SAMMSON: variants seen among roughly 807,000 people sequenced by gnomAD.
SAMMSON encodes the protein survival associated mitochondrial melanoma specific oncogenic non-coding RNA, also known as long intergenic non-protein coding RNA 1212.
intron 9 of SAMMSON, among the ~76,000 whole-genome samples, chr3:70,387,692 C>T (rs1700984381): frequency 6.6e-6 from 1 of 152,086 alleles, no homozygotes; most frequent in Non-Finnish European, 1.5e-5. Context: ...ACACAGAGAA[C>T]TTCAAAATAG....
intron 7 of SAMMSON, among the ~76,000 whole-genome samples, chr3:70,321,284 C>T (rs1702536817): frequency 6.6e-6 from 1 of 152,068 alleles, no homozygotes; most frequent in Non-Finnish European, 1.5e-5. Context: ...AAACACTAAT[C>T]TTTTTGTCTT....
At chr3:70,271,418 C>T (rs1019794274) in intron 6 of SAMMSON, among the ~76,000 whole-genome samples, 1 of 152,156 alleles carries the variant, frequency 6.6e-6, no homozygotes, top group Admixed American at 6.5e-5. Context: ...ATTTGGGATG[C>T]AGATTCAGTA....
At chr3:70,182,062 G>C (rs1397786482) in intron 4 of SAMMSON, among the ~76,000 whole-genome samples, 1 of 152,052 alleles carries the variant, frequency 6.6e-6, no homozygotes, top group Non-Finnish European at 1.5e-5. Context: ...ATGCTCCAGT[G>C]CTCTGAATTC....
At chr3:70,350,562 T>A (rs749341145) in intron 7 of SAMMSON, among the ~76,000 whole-genome samples, 36 of 152,102 alleles carry the variant, frequency 2.4e-4, no homozygotes, top group Non-Finnish European at 4.4e-4. Context: ...TTTCATTACT[T>A]CTTCACCCAT....
At chr3:70,397,992 A>G (rs1559580669) in intron 2 of SAMMSON, among the ~76,000 whole-genome samples, 1 of 152,134 alleles carries the variant, frequency 6.6e-6, no homozygotes, top group Non-Finnish European at 1.5e-5. Flanking sequence ...TATGTATTCT[A>G]TTTTTTCTCA....
rs368770550 is a variant in SAMMSON, at chr3:70,122,261, T to C, written n.507+50696T>C. 3.5e-4 allele frequency among the ~76,000 whole-genome samples: 53 copies of C among 152,308 alleles called. No individual in the cohort carries two copies. The East Asian group carries it at 7.7e-3, about 22-fold the overall frequency. The stretch of plus-strand genomic sequence containing the variant: ...AGGCCGGAGTGTAGTGGTGTGAGCC[T>C]GGCTCACTGCAGCCTTTACCTCCTG... On this transcript the variant is annotated intron_variant and non_coding_transcript_variant, in intron 4 of 9. Transcript: ENST00000642114.
intron 9 of SAMMSON, among the ~76,000 whole-genome samples, chr3:70,361,132 G>A (rs1702867821): frequency 6.6e-6 from 1 of 152,030 alleles, no homozygotes; most frequent in Admixed American, 6.6e-5. Context: ...CTGACTTTAA[G>A]GGCAAAACCC....
At chr3:70,395,165 G>A (rs1046028425) in intron 2 of SAMMSON, among the ~76,000 whole-genome samples, 3 of 152,060 alleles carry the variant, frequency 2.0e-5, no homozygotes, top group Non-Finnish European at 4.4e-5. Flanking sequence ...GGAATGAGAC[G>A]CCCTGGTCCC....
chr3:70,067,918 C>A (rs1398820016), intron 3 of SAMMSON, among the ~76,000 whole-genome samples: 3 of 151,988 alleles, frequency 2.0e-5, no homozygotes, highest in African/African-American at 7.2e-5. Flanking sequence ...ATCAGTTATT[C>A]CATTTTTAAA....
At chr3:70,281,752 C>T (rs1049606751) in intron 6 of SAMMSON, among the ~76,000 whole-genome samples, 25 of 152,150 alleles carry the variant, frequency 1.6e-4, no homozygotes, top group African/African-American at 6.0e-4. Flanking sequence ...TAGAGAATCC[C>T]ATCCTCTGCA....
In SAMMSON at chr3:70,066,513, G is replaced by A. The variant is rs1339149293; in HGVS notation, n.418-4963G>A. Among the ~76,000 whole-genome samples, 3 of 152,060 alleles carry A rather than the reference G, an allele frequency of 2.0e-5. No individual in the cohort carries two copies. The East Asian group carries it at 5.8e-4, about 29-fold the overall frequency. ...GGGAAATTATATAACAGCCATGAATGCTAATATTCCATCCTGCTCTTTTAC... is the reference window on the plus strand; with the variant it reads ...GGGAAATTATATAACAGCCATGAATACTAATATTCCATCCTGCTCTTTTAC... On this transcript the variant is annotated intron_variant and non_coding_transcript_variant, in intron 3 of 9. Coordinates refer to ENST00000642114, the Ensembl canonical transcript of SAMMSON.
chr3:70,368,761 A>G (rs558918233), intron 9 of SAMMSON, among the ~76,000 whole-genome samples: 30 of 151,756 alleles, frequency 2.0e-4, no homozygotes, highest in Admixed American at 5.9e-4. Flanking sequence ...CACTGTCTTG[A>G]TCACTGTAGT....
In SAMMSON at chr3:70,182,144, T is replaced by C. The variant is rs1313844139; in HGVS notation, n.508-66963T>C. 2.0e-5 allele frequency among the ~76,000 whole-genome samples: 3 copies of C among 152,164 alleles called. No individual in the cohort carries two copies. The East Asian group carries it at 5.8e-4, about 30-fold the overall frequency. On this transcript the variant is annotated intron_variant and non_coding_transcript_variant, in intron 4 of 9. Coordinates refer to ENST00000642114, the Ensembl canonical transcript of SAMMSON. ...GCCTGGGTAGGAAGCAGGTGTCTAA[T>C]GGTGCTAAGGAGGTTTTTTTTAATT...
intron 2 of SAMMSON, among the ~76,000 whole-genome samples, chr3:70,413,581 A>T (rs1701239797): frequency 6.6e-6 from 1 of 152,140 alleles, no homozygotes; most frequent in South Asian, 2.1e-4. Flanking sequence ...GAAGGCTGGA[A>T]TTCCCCCAAG....
intron 2 of SAMMSON, among the ~76,000 whole-genome samples, chr3:70,400,299 G>A (rs1701129959): frequency 6.6e-6 from 1 of 152,152 alleles, no homozygotes. Flanking sequence ...AGTGGGAGGT[G>A]TTTGGGTCAT....
At chr3:70,228,821 A>G (rs1487526610) in intron 4 of SAMMSON, among the ~76,000 whole-genome samples, 1 of 151,660 alleles carries the variant, frequency 6.6e-6, no homozygotes, top group Non-Finnish European at 1.5e-5. Flanking sequence ...TAGCTGGGTT[A>G]TACCTCAAAA....
At chr3:70,157,211 T>C (rs1169813768) in intron 4 of SAMMSON, among the ~76,000 whole-genome samples, 1 of 152,128 alleles carries the variant, frequency 6.6e-6, no homozygotes, top group Admixed American at 6.6e-5. Context: ...GATGCAAATA[T>C]ATGACCATAA....
intron 3 of SAMMSON, among the ~76,000 whole-genome samples, chr3:70,025,641 C>T (rs932400989): frequency 6.6e-6 from 1 of 152,164 alleles, no homozygotes; most frequent in African/African-American, 2.4e-5. Context: ...GACCCTTGAA[C>T]AACATGGGAG....
intron 4 of SAMMSON, among the ~76,000 whole-genome samples, chr3:70,106,278 T>G (rs1430450956): frequency 6.6e-6 from 1 of 152,000 alleles, no homozygotes; most frequent in Non-Finnish European, 1.5e-5. Context: ...CTTCTAAATT[T>G]TGTGTGTATT....
Sources: allele counts gnomAD v4.1 joint callset (sites outside exome capture counted in the v4.1 genomes callset), GRCh38; gene constraint gnomAD v4.1.1; transcripts MANE v1.5; gene names NCBI Gene and HGNC (gene_info 2026-07-23, HGNC 2026-07-21).